The following ARHGAP11A variants were observed in gnomAD, a reference collection of about 807,000 sequenced individuals.
The protein encoded by ARHGAP11A is Rho GTPase activating protein 11A.
Under a neutral mutation model 60.5 loss-of-function variants are expected in ARHGAP11A, and 36 were observed. The observed-to-expected ratio is 0.59, with a 90% confidence interval of 0.46 to 0.79. The LOEUF (loss-of-function observed/expected upper bound fraction) is 0.79, where lower values mean the gene tolerates loss of function less well. Ranked by LOEUF, ARHGAP11A falls within the 30% of genes least tolerant of loss-of-function variation. ARHGAP11A has a pLI of 0.00. For synonymous variants in ARHGAP11A, 362 were observed against 415.5 expected, an observed-to-expected ratio of 0.87 and a Z score of 1.57; for missense variants, 1,071 against 1,199.2, an observed-to-expected ratio of 0.89 and a Z score of 1.58.
intron 1 of ARHGAP11A, among the ~76,000 whole-genome samples, chr15:32,617,465 CTTTTCCTTTT>C (rs2053181147): frequency 8.1e-6 from 1 of 123,084 alleles, no homozygotes; most frequent in African/African-American, 3.0e-5. Flanking sequence ...CTTTTCTTTT[CTTTTCCTTTT>C]TTTTTTTTTT....
intron 11 of ARHGAP11A, 78 bp downstream of exon 11, chr15:32,635,993 T>C (rs1046504687): frequency 8.7e-6 from 13 of 1,487,556 alleles, no homozygotes; most frequent in Non-Finnish European, 1.2e-5. Flanking sequence ...AACATATTAA[T>C]TAATTTACTG....
intron 6 of ARHGAP11A, among the ~76,000 whole-genome samples, chr15:32,627,693 C>T (rs1304456678): frequency 6.6e-6 from 1 of 152,090 alleles, no homozygotes; most frequent in Non-Finnish European, 1.5e-5. Flanking sequence ...CGGGCCACTG[C>T]ACTCCAGCCT....
intron 11 of ARHGAP11A, 131 bp from the exon 12 acceptor site, chr15:32,636,125 TA>T (rs2053708130): frequency 1.4e-6 from 2 of 1,407,334 alleles, no homozygotes; most frequent in Non-Finnish European, 1.9e-6. Context: ...ATTCTTATGT[TA>T]AAAATTATTT....
At chr15:32,620,587 T>C (rs559374118) in intron 2 of ARHGAP11A, among the ~76,000 whole-genome samples, 5 of 151,958 alleles carry the variant, frequency 3.3e-5, no homozygotes, top group Non-Finnish European at 5.9e-5. Context: ...ATTTTAAATT[T>C]ATAATTTGTA....
At chr15:32,634,162 A>G in intron 10 of ARHGAP11A, 121 bp downstream of exon 10, 1 of 674,492 alleles carries the variant, frequency 1.5e-6, no homozygotes, top group East Asian at 3.0e-5. Context: ...TTTTTATCCA[A>G]AACTCTTATA....
At chr15:32,616,577 A>T (rs922102179) in intron 1 of ARHGAP11A, among the ~76,000 whole-genome samples, 2 of 152,158 alleles carry the variant, frequency 1.3e-5, no homozygotes, top group Non-Finnish European at 2.9e-5. Flanking sequence ...AGCACTATTG[A>T]CATTTTGGAT....
At chr15:32,634,097 T>C in intron 10 of ARHGAP11A, 56 bp downstream of exon 10, 1 of 1,247,666 alleles carries the variant, frequency 8.0e-7, no homozygotes, top group Non-Finnish European at 1.1e-6. Context: ...ATAAACTTGA[T>C]ACTAAAAAAC....
At chr15:32,615,356 G>C (rs966983178), upstream of ARHGAP11A, 2 of 152,086 alleles carry the variant, frequency 1.3e-5, no homozygotes, top group African/African-American at 4.8e-5. Context: ...TGCTGGGTTT[G>C]CCCGTTACAC....
intron 11 of ARHGAP11A, 169 bp from the exon 12 acceptor site, chr15:32,636,088 A>G: frequency 1.4e-6 from 2 of 1,387,982 alleles, no homozygotes; most frequent in Non-Finnish European, 1.9e-6. Context: ...GGAAATGCTT[A>G]TACATGTAAA....
intron 10 of ARHGAP11A, among the ~76,000 whole-genome samples, chr15:32,634,346 G>T (rs1239484401): frequency 6.6e-6 from 1 of 152,044 alleles, no homozygotes; most frequent in African/African-American, 2.4e-5. Flanking sequence ...CCCCATTTTT[G>T]GGGGGGATTT....
At chr15:32,625,995 GT>G (rs1166633561) in intron 6 of ARHGAP11A, among the ~76,000 whole-genome samples, 1 of 151,994 alleles carries the variant, frequency 6.6e-6, no homozygotes, top group Non-Finnish European at 1.5e-5. Context: ...ATGAAGAAAG[GT>G]TTGTGTAGGG....
rs755863093 is a variant in ARHGAP11A at position 32,637,908 on chromosome 15, T to C, written c.*63T>C. 116 of 1,331,442 alleles carry C rather than the reference T, an allele frequency of 8.7e-5. No homozygotes were observed. The highest frequency in any genetic ancestry group is 1.1e-4 in the Non-Finnish European group (111 of 979,624). 82.5% of individuals were successfully genotyped at this position (1,331,442 alleles called of 1,614,324 possible). A position where few individuals can be genotyped will look rare whatever the true frequency, so the allele number is the denominator to read the frequency against. ...TGAGTAATTGGTATGACTTGCAGGA[T>C]GATGTACATGTTAGTTTGTAGCTCA... On this transcript the variant is annotated 3_prime_UTR_variant, in exon 12 of 12. Transcript: ENST00000361627.
intron 2 of ARHGAP11A, among the ~76,000 whole-genome samples, chr15:32,621,713 T>TAG (rs1327900200): frequency 1.3e-5 from 2 of 152,252 alleles, no homozygotes; most frequent in Non-Finnish European, 2.9e-5. Flanking sequence ...TAGTTCCAGC[T>TAG]ACTCGGGAGG....
chr15:32,634,956 TTC>T lies in ARHGAP11A; in HGVS notation c.1345-819_1345-818del. Among the ~76,000 whole-genome samples the T allele has an allele frequency of 1.3e-5, 2 of 152,340 alleles. 1 individual carries two copies. The highest frequency in any genetic ancestry group is 3.9e-4 in the East Asian group (2 of 5,192). On this transcript the variant is annotated intron_variant, in intron 10 of 11. Transcript: ENST00000361627. The stretch of plus-strand genomic sequence containing the variant: ...TACTCTAGTAAACTCCTGTTAATAG[TTC>T]TTCCTTCTCCTACCCTTGCTGCAGT...
chr15:32,637,472 C>G lies in ARHGAP11A; in HGVS notation c.2699C>G (p.Pro900Arg), dbSNP rs143532021. 975 of 1,613,944 alleles carry G rather than the reference C, an allele frequency of 6.0e-4. 5 individuals are homozygous for G. The African/African-American group carries it at 0.012, about 20-fold the overall frequency. ...DSSVSCIKSG[P>R]KEQKSMSCEE... Reference sequence around the variant, plus strand: ...TCTGTTTCATGTATCAAATCAGGTCCTAAAGAACAGAAGTCCATGTCATGT... The same window carrying G: ...TCTGTTTCATGTATCAAATCAGGTCGTAAAGAACAGAAGTCCATGTCATGT... Residue 900 changes from proline (P) to arginine (R), a missense_variant, in exon 12 of 12, where the codon CCT becomes CGT. Transcript: ENST00000361627.
intron 6 of ARHGAP11A, among the ~76,000 whole-genome samples, chr15:32,627,267 C>T (rs999366204): frequency 8.6e-5 from 13 of 151,942 alleles, no homozygotes; most frequent in Non-Finnish European, 1.8e-4. Context: ...CATCTTTATC[C>T]TCTTTATCCT....
At chr15:32,625,712 T>C in intron 6 of ARHGAP11A, 79 bp downstream of exon 6, 4 of 1,458,632 alleles carry the variant, frequency 2.7e-6, no homozygotes, top group Middle Eastern at 3.6e-4. Flanking sequence ...AAGCATGAAC[T>C]GTGGTATGTG....
chr15:32,621,748 G>C (rs1468848971), intron 2 of ARHGAP11A, among the ~76,000 whole-genome samples: 1 of 151,140 alleles, frequency 6.6e-6, no homozygotes, highest in Non-Finnish European at 1.5e-5. Flanking sequence ...TGGCATGCCA[G>C]GAGGCGGAGC....
chr15:32,627,110 T>C (rs1408888895), intron 6 of ARHGAP11A, among the ~76,000 whole-genome samples: 1 of 152,042 alleles, frequency 6.6e-6, no homozygotes, highest in Non-Finnish European at 1.5e-5. Flanking sequence ...GTCCTGTAGT[T>C]TCAGTTATCA....
Sources: gnomAD v4.1 joint callset for allele counts (sites outside exome capture counted in the v4.1 genomes callset) on GRCh38, gnomAD v4.1.1 for gene constraint, MANE v1.5 for transcripts, NCBI Gene and HGNC (gene_info 2026-07-23, HGNC 2026-07-21) for gene names.